The following SEM1 variants were observed in gnomAD, a reference collection of about 807,000 sequenced individuals.
SEM1 encodes the protein 26S proteasome complex subunit SEM1.
Under a neutral mutation model 12.7 loss-of-function variants are expected in SEM1, and 3 were observed. The ratio of observed to expected loss-of-function variants is 0.24; its 90% CI spans 0.11 to 0.61. The LOEUF is 0.61. SEM1 is among the 20% of genes least tolerant of loss of function. The pLI, the probability that SEM1 is intolerant of heterozygous loss-of-function variation, is 0.88. For missense variants in SEM1, 59 were observed against 81.3 expected (o/e 0.73, Z 1.06); for synonymous variants, 30 against 27.8 (o/e 1.08, Z -0.25).
intron 2 of SEM1, among the ~76,000 whole-genome samples, chr7:96,575,211 A>G (rs148874187): frequency 0.035 from 5,345 of 152,096 alleles, 132 homozygotes; most frequent in Middle Eastern, 0.054. Flanking sequence ...TTTCCTTCTA[A>G]CAGTCAGGCC....
chr7:96,562,116 G>A (rs538554364), intron 2 of SEM1, among the ~76,000 whole-genome samples: 1 of 152,192 alleles, frequency 6.6e-6, no homozygotes, highest in Non-Finnish European at 1.5e-5. Context: ...TCATTTTGTC[G>A]AGTTAAAGTT....
At chr7:96,656,308 T>C (rs1368628556) in intron 2 of SEM1, 1 of 152,164 alleles carries the variant, frequency 6.6e-6, no homozygotes, top group Admixed American at 6.6e-5. Context: ...CTGACCATTC[T>C]CTCCTCACTG....
intron 2 of SEM1, among the ~76,000 whole-genome samples, chr7:96,513,333 CT>C (rs1426044235): frequency 6.6e-6 from 1 of 152,106 alleles, no homozygotes; most frequent in African/African-American, 2.4e-5. Context: ...TAATAAATTT[CT>C]GTTGCTTAAG....
intron 2 of SEM1, among the ~76,000 whole-genome samples, chr7:96,667,302 C>T (rs753480778): frequency 1.1e-4 from 16 of 152,154 alleles, no homozygotes; most frequent in African/African-American, 2.4e-4. Flanking sequence ...CTGGTGGTTA[C>T]GGCAATGAAT....
intron 2 of SEM1, among the ~76,000 whole-genome samples, chr7:96,584,152 G>T (rs948893046): frequency 2.6e-5 from 4 of 152,010 alleles, no homozygotes; most frequent in African/African-American, 4.8e-5. Context: ...AGCTCTTTTT[G>T]GGTAGGCCTG....
chr7:96,682,758 T>C (rs1024732118), intron 2 of SEM1, among the ~76,000 whole-genome samples: 4 of 151,936 alleles, frequency 2.6e-5, no homozygotes, highest in African/African-American at 7.2e-5. Context: ...GGAGAAAATG[T>C]TTGCAATCTG....
chr7:96,487,006 G>A (rs1325175166), intron 1 of SEM1, among the ~76,000 whole-genome samples: 3 of 152,100 alleles, frequency 2.0e-5, no homozygotes, highest in South Asian at 4.1e-4. Flanking sequence ...TAGGATGCCA[G>A]CACAGCTTTT....
chr7:96,527,304 G>A (rs760135671), intron 2 of SEM1, among the ~76,000 whole-genome samples: 2 of 152,070 alleles, frequency 1.3e-5, no homozygotes, highest in Non-Finnish European at 2.9e-5. Flanking sequence ...TGATGTAAAA[G>A]TTCCAAAAAA....
At chr7:96,512,769 CTGTTATACCTGA>C (rs1803971113) in intron 2 of SEM1, among the ~76,000 whole-genome samples, 1 of 152,026 alleles carries the variant, frequency 6.6e-6, no homozygotes, top group South Asian at 2.1e-4. Context: ...CATAAAAAGT[CTGTTATACCTGA>C]TGGGAGGGGC....
intron 2 of SEM1, among the ~76,000 whole-genome samples, chr7:96,560,613 C>A (rs1160509091): frequency 6.6e-6 from 1 of 151,690 alleles, no homozygotes; most frequent in East Asian, 1.9e-4. Flanking sequence ...CATATGATAA[C>A]CACTTTTTAT....
chr7:96,626,547 GT>G (rs1205953043), intron 2 of SEM1, among the ~76,000 whole-genome samples: 2 of 151,968 alleles, frequency 1.3e-5, no homozygotes, highest in Non-Finnish European at 2.9e-5. Flanking sequence ...GATCATATGG[GT>G]TTTTTAATCC....
intron 2 of SEM1, among the ~76,000 whole-genome samples, chr7:96,659,926 A>AAAAAC (rs1554430874): frequency 4.1e-5 from 6 of 147,580 alleles, no homozygotes; most frequent in African/African-American, 1.3e-4. Flanking sequence ...AAAAAAAAAA[A>AAAAAC]AAAACAAAAA....
chr7:96,659,930 A>AAAC (rs147067197), intron 2 of SEM1, among the ~76,000 whole-genome samples: 1 of 150,200 alleles, frequency 6.7e-6, no homozygotes, highest in African/African-American at 2.5e-5. Flanking sequence ...AAAAAAAAAA[A>AAAC]CAAAAACAAG....
chr7:96,639,969 C>G (rs1808541048), intron 2 of SEM1, among the ~76,000 whole-genome samples: 1 of 151,912 alleles, frequency 6.6e-6, no homozygotes, highest in Non-Finnish European at 1.5e-5. Context: ...AAAAGATGTT[C>G]CACATCATAT....
chr7:96,663,976 T>C (rs1028063756), intron 2 of SEM1, among the ~76,000 whole-genome samples: 27 of 152,324 alleles, frequency 1.8e-4, no homozygotes, highest in Admixed American at 1.2e-3. Context: ...GAGTTGAATA[T>C]ACCAAGTGTT....
At chr7:96,650,684 G>GCACA (rs60189978) in intron 2 of SEM1, among the ~76,000 whole-genome samples, 1 of 150,716 alleles carries the variant, frequency 6.6e-6, no homozygotes, top group African/African-American at 2.4e-5. Context: ...ACAGATGCGC[G>GCACA]CACACACACA....
chr7:96,525,106 T>G (rs1804408452), intron 2 of SEM1, among the ~76,000 whole-genome samples: 2 of 152,072 alleles, frequency 1.3e-5, no homozygotes. Context: ...GGCCCTTCCT[T>G]TGCAAGTTTG....
intron 1 of SEM1, chr7:96,706,472 G>A (rs888881989): frequency 2.7e-5 from 4 of 148,620 alleles, no homozygotes; most frequent in Admixed American, 6.8e-5. Context: ...TGAGGCAGGA[G>A]AATCGCTTGA....
chr7:96,696,312 A>G (rs1424272845), intron 1 of SEM1: 1 of 151,990 alleles, frequency 6.6e-6, no homozygotes, highest in African/African-American at 2.4e-5. Context: ...AAAAAGATTC[A>G]TAACAATACC....
Sources: allele counts gnomAD v4.1 joint callset (sites outside exome capture counted in the v4.1 genomes callset), GRCh38; gene constraint gnomAD v4.1.1; transcripts MANE v1.5; gene names NCBI Gene and HGNC (gene_info 2026-07-23, HGNC 2026-07-21).